GSTA2: variants seen among roughly 807,000 people sequenced by gnomAD.
GSTA2 encodes glutathione S-transferase alpha 2.
A neutral mutation model predicts 22.4 loss-of-function variants in GSTA2; 27 were observed. The ratio of observed to expected loss-of-function variants is 1.21; its 90% CI spans 0.89 to 1.67. The LOEUF is 1.67. Ranked by LOEUF, GSTA2 falls within the 40% of genes most tolerant of loss-of-function variation. GSTA2 has a pLI of 0.00. For missense variants in GSTA2, 302 were observed against 260.2 expected (o/e 1.16, Z -1.11); for synonymous variants, 121 against 86.8 (o/e 1.39, Z -2.19).
intron 3 of GSTA2, among the ~76,000 whole-genome samples, chr6:52,755,435 A>G (rs1762822845): frequency 6.6e-6 from 1 of 152,176 alleles, no homozygotes; most frequent in African/African-American, 2.4e-5. Context: ...ACTGGTCTCA[A>G]ATTCCTGAAC....
At chr6:52,762,677 C>T (rs1762971633) in intron 1 of GSTA2, among the ~76,000 whole-genome samples, 1 of 152,158 alleles carries the variant, frequency 6.6e-6, no homozygotes, top group African/African-American at 2.4e-5. Context: ...ATGCTGAGCC[C>T]CGGTCCCCTG....
In GSTA2 at chr6:52,756,222, A is replaced by T. The variant is rs746678163; in HGVS notation, c.139+36T>A. On this transcript the variant is annotated intron_variant, in intron 3 of 6. Transcript: ENST00000493422. ...AACCTCCCCGTGTACCTTCTACTAG[A>T]TACCCTCATTAGAGAAACTTAGAGG... The T allele has an allele frequency of 8.0e-6, 12 of 1,495,866 alleles. No homozygotes were observed. In the African/African-American group the frequency reaches 1.5e-4, roughly 19 times the overall value. The allele number at this position is 1,495,866 out of a possible 1,614,324, so 92.7% of individuals were successfully genotyped here. A position where few individuals can be genotyped will look rare whatever the true frequency, so the allele number is the denominator to read the frequency against.
chr6:52,756,514 C>G (rs537326545), intron 2 of GSTA2, among the ~76,000 whole-genome samples: 1 of 152,176 alleles, frequency 6.6e-6, no homozygotes, highest in Admixed American at 6.5e-5. Flanking sequence ...CATAGCTGCT[C>G]AATCTTCTAG....
intron 1 of GSTA2, among the ~76,000 whole-genome samples, chr6:52,760,315 T>C (rs1762930895): frequency 1.3e-5 from 2 of 152,338 alleles, no homozygotes; most frequent in South Asian, 2.1e-4. Context: ...CAGCTGATAA[T>C]TAACATATCA....
chr6:52,759,567 T>TTTTTTG lies in GSTA2; in HGVS notation c.-30-1591_-30-1590insCAAAAA, dbSNP rs1762914728. Among the ~76,000 whole-genome samples, 25 of 42,124 alleles carry TTTTTTG rather than the reference T, an allele frequency of 5.9e-4. 1 individual carries two copies. Among genetic ancestry groups the TTTTTTG allele is most frequent in the African/African-American group, 1.5e-3 (14 of 9,138 alleles). 27.6% of individuals were successfully genotyped at this position (42,124 alleles called of 152,430 possible). A position where few individuals can be genotyped will look rare whatever the true frequency, so the allele number is the denominator to read the frequency against. ...TAACAACTAATGTATTTATTTGTTT[T>TTTTTTG]TTTTTTTTTTTTTTTTTTTTTTTTT... On this transcript the variant is annotated intron_variant, in intron 1 of 6. Transcript: ENST00000493422.
intron 1 of GSTA2, among the ~76,000 whole-genome samples, chr6:52,759,796 C>A (rs1372278651): frequency 6.6e-6 from 1 of 151,730 alleles, no homozygotes; most frequent in Non-Finnish European, 1.5e-5. Flanking sequence ...GTTGGACAGT[C>A]TGGTCTCGAA....
At chr6:52,760,886 C>T (rs1762939848) in intron 1 of GSTA2, among the ~76,000 whole-genome samples, 1 of 152,082 alleles carries the variant, frequency 6.6e-6, no homozygotes, top group Non-Finnish European at 1.5e-5. Flanking sequence ...AATTACTTTA[C>T]ATCAATAATT....
intron 3 of GSTA2, 60 bp from the exon 4 acceptor site, chr6:52,755,135 GA>G (rs959253816): frequency 1.1e-4 from 177 of 1,547,856 alleles, no homozygotes; most frequent in Non-Finnish European, 1.4e-4. Flanking sequence ...ATTTCAGGAT[GA>G]AAAAAAATGG....
In GSTA2 at chr6:52,754,130, G is replaced by T. The variant is rs1453299800; in HGVS notation, c.272+813C>A. Among the ~76,000 whole-genome samples the T allele has an allele frequency of 3.3e-5, 5 of 152,168 alleles. No individual in the cohort carries two copies. The East Asian group carries it at 7.7e-4, about 23-fold the overall frequency. On this transcript the variant is annotated intron_variant, in intron 4 of 6. Coordinates refer to ENST00000493422, the MANE Select transcript of GSTA2 (RefSeq NM_000846.5). ...TTTCTCCTCCATTTATTGATTGATG[G>T]ATATTTGGGTTGTTTCCACTTTTTG...
chr6:52,757,684 G>C (rs1762870940), intron 2 of GSTA2, among the ~76,000 whole-genome samples, 177 bp downstream of exon 2: 1 of 152,164 alleles, frequency 6.6e-6, no homozygotes, highest in African/African-American at 2.4e-5. Flanking sequence ...TATGCTTTTA[G>C]AGGAGAAGAA....
rs1417245862 is a variant in GSTA2 at position 52,754,877 on chromosome 6, C to A, written c.272+66G>T. On this transcript the variant is annotated intron_variant, in intron 4 of 6. Coordinates refer to ENST00000493422, the MANE Select transcript of GSTA2 (RefSeq NM_000846.5). ...CTTGATACCCTGCCATGGTCCCACC[C>A]ACTCAAGGAAGGACCTAAATCACTC... is the stretch of plus-strand genomic sequence containing the variant. 6.2e-6 allele frequency: 10 copies of A among 1,601,834 alleles called. No individual in the cohort carries two copies. In the African/African-American group the frequency reaches 1.3e-4, roughly 21 times the overall value.
At chr6:52,758,880 C>G (rs1180823266) in intron 1 of GSTA2, among the ~76,000 whole-genome samples, 1 of 152,158 alleles carries the variant, frequency 6.6e-6, no homozygotes, top group African/African-American at 2.4e-5. Context: ...TTTTATCCTA[C>G]AAAAATTACC....
intron 3 of GSTA2, among the ~76,000 whole-genome samples, 158 bp downstream of exon 3, chr6:52,756,100 G>T (rs886640822): frequency 2.0e-5 from 3 of 152,040 alleles, no homozygotes; most frequent in Non-Finnish European, 2.9e-5. Flanking sequence ...TGCCAGACTT[G>T]CTCAAGGAGC....
intron 1 of GSTA2, among the ~76,000 whole-genome samples, chr6:52,763,138 A>C (rs564474355): frequency 2.8e-4 from 43 of 152,304 alleles, no homozygotes; most frequent in African/African-American, 9.9e-4. Context: ...TTCTTCCAGC[A>C]CTGATTATTC....
At position 52,755,023 on chromosome 6, in the gene GSTA2, C is replaced by A. The variant is rs143619808; in HGVS notation, c.192G>T (p.Lys64Asn). Reference sequence around the variant, plus strand: ...TGAGAATGGCTCTGGTCTGCACCAGCTTCATCCCATCAATCTCAACCATTG... The same window carrying A: ...TGAGAATGGCTCTGGTCTGCACCAGATTCATCCCATCAATCTCAACCATTG... ...QVPMVEIDGM[K>N]LVQTRAILNY... The change falls in exon 4 of 7, where the codon AAG (lysine) becomes AAT (asparagine). Residue 64 changes from lysine to asparagine, a missense_variant. By Grantham distance (94) the Lys-to-Asn change is moderately conservative (BLOSUM62 0). Coordinates refer to ENST00000493422, the MANE Select transcript of GSTA2 (RefSeq NM_000846.5). 1 of 1,614,004 alleles carries A rather than the reference C, an allele frequency of 6.2e-7. No homozygotes were observed. The highest frequency in any genetic ancestry group is 8.5e-7 in the Non-Finnish European group (1 of 1,180,030).
intron 2 of GSTA2, among the ~76,000 whole-genome samples, chr6:52,757,106 C>T (rs1762858995): frequency 1.6e-5 from 2 of 121,636 alleles, no homozygotes; most frequent in Non-Finnish European, 3.4e-5. Flanking sequence ...GAGTACAGAA[C>T]CTGGAATTAA....
chr6:52,762,493 C>A (rs1211528963), intron 1 of GSTA2, among the ~76,000 whole-genome samples: 1 of 152,208 alleles, frequency 6.6e-6, no homozygotes, highest in Non-Finnish European at 1.5e-5. Context: ...AAACACAGCA[C>A]ATTTTCTAAC....
At chr6:52,756,204 C>G in intron 3 of GSTA2, 54 bp downstream of exon 3, 1 of 1,315,748 alleles carries the variant, frequency 7.6e-7, no homozygotes, top group Non-Finnish European at 1.1e-6. Context: ...GCAAACCTCC[C>G]CGTGTACCTT....
intron 4 of GSTA2, 97 bp downstream of exon 4, chr6:52,754,846 G>A (rs541257437): frequency 9.8e-6 from 15 of 1,532,432 alleles, no homozygotes; most frequent in Non-Finnish European, 1.3e-5. Context: ...CCAGCCTGCT[G>A]CTGGTCTTGA....
Sources: gnomAD v4.1 joint callset for allele counts (sites outside exome capture counted in the v4.1 genomes callset) on GRCh38, gnomAD v4.1.1 for gene constraint, MANE v1.5 for transcripts, NCBI Gene and HGNC (gene_info 2026-07-23, HGNC 2026-07-21) for gene names.